Variants in VEPH1 observed in about 807,000 individuals in gnomAD.
VEPH1 encodes the protein ventricular zone-expressed PH domain-containing protein homolog 1.
In VEPH1, 80 loss-of-function variants were observed where a neutral mutation model predicts 85.2. That is an observed-to-expected ratio of 0.94 (90% CI 0.78 to 1.13). The LOEUF (loss-of-function observed/expected upper bound fraction) is 1.13. Ranked by LOEUF, VEPH1 falls within the 50% of genes most tolerant of loss-of-function variation. VEPH1 has a pLI of 0.00. For missense variants in VEPH1, 955 were observed against 980.5 expected (o/e 0.97, Z 0.35); for synonymous variants, 297 against 348.0 (o/e 0.85, Z 1.63).
chr3:157,287,166 A>T (rs2108375310), intron 11 of VEPH1, among the ~76,000 whole-genome samples: 1 of 152,286 alleles, frequency 6.6e-6, no homozygotes, highest in Admixed American at 6.5e-5. Context: ...TGAACTCAGG[A>T]GTTCAAGACC....
chr3:157,431,259 C>G (rs545191190), intron 4 of VEPH1, among the ~76,000 whole-genome samples: 20 of 152,304 alleles, frequency 1.3e-4, no homozygotes, highest in African/African-American at 4.8e-4. Flanking sequence ...CCTCCTCAGC[C>G]ACGTGGAACT....
At position 157,445,407 on chromosome 3, in the gene VEPH1, G is replaced by A. The variant is rs914558501; in HGVS notation, c.529+14774C>T. 3.9e-5 allele frequency among the ~76,000 whole-genome samples: 6 copies of A among 152,114 alleles called. No homozygotes were observed. The East Asian group carries it at 9.6e-4, about 24-fold the overall frequency. ...GGAGTCTGAGCCAGGCAGATCAGAA[G>A]CTCAGGAGATCGAGACCATCCTGGC... is the stretch of plus-strand genomic sequence containing the variant. On this transcript the variant is annotated intron_variant, in intron 4 of 13. Coordinates refer to ENST00000362010, the MANE Select transcript of VEPH1 (RefSeq NM_001167912.2).
At chr3:157,360,523 G>A (rs1432892600) in intron 9 of VEPH1, among the ~76,000 whole-genome samples, 4 of 151,858 alleles carry the variant, frequency 2.6e-5, no homozygotes, top group South Asian at 2.1e-4. Context: ...GTCAAACTAC[G>A]GATGCTTTTT....
chr3:157,470,659 C>T, intron 2 of VEPH1, 130 bp from the exon 3 acceptor site: 1 of 744,954 alleles, frequency 1.3e-6, no homozygotes, highest in Non-Finnish European at 2.1e-6. Context: ...GGTGTAAAGC[C>T]TAATACAATA....
intron 2 of VEPH1, among the ~76,000 whole-genome samples, chr3:157,480,583 A>T (rs1184611641): frequency 6.6e-6 from 1 of 152,150 alleles, no homozygotes; most frequent in East Asian, 1.9e-4. Flanking sequence ...TAGTTCACTT[A>T]GGATAAATGG....
intron 9 of VEPH1, among the ~76,000 whole-genome samples, chr3:157,343,966 A>G (rs1322580067): frequency 6.6e-6 from 1 of 152,246 alleles, no homozygotes; most frequent in African/African-American, 2.4e-5. Flanking sequence ...GGCCTTCAAC[A>G]AAATTCAACA....
chr3:157,428,536 C>G (rs1357196150), intron 4 of VEPH1, 48 bp from the exon 5 acceptor site: 1 of 1,566,796 alleles, frequency 6.4e-7, no homozygotes, highest in Non-Finnish European at 8.7e-7. Context: ...AGGCCATGAG[C>G]AACAGAAATA....
chr3:157,408,039 C>T (rs6441129), intron 6 of VEPH1, among the ~76,000 whole-genome samples: 103,973 of 151,950 alleles, frequency 0.68, 36,075 homozygotes, highest in East Asian at 0.78. Context: ...GTAAGCAAAT[C>T]CATTCATGTA....
At chr3:157,442,528 A>C (rs765216748) in intron 4 of VEPH1, 1 of 1,614,196 alleles carries the variant, frequency 6.2e-7, no homozygotes, top group Non-Finnish European at 8.5e-7. Flanking sequence ...ACAAAGAGGA[A>C]TCCATATGAA....
At chr3:157,487,998 A>C (rs1296399923) in intron 2 of VEPH1, among the ~76,000 whole-genome samples, 14 of 152,200 alleles carry the variant, frequency 9.2e-5, no homozygotes. Flanking sequence ...CATTCTAGTC[A>C]ATCTAGTTCT....
At chr3:157,469,637 C>A (rs1736727938) in intron 3 of VEPH1, among the ~76,000 whole-genome samples, 1 of 152,182 alleles carries the variant, frequency 6.6e-6, no homozygotes, top group African/African-American at 2.4e-5. Context: ...TCACAAAGTT[C>A]TTTTCTGAGA....
At chr3:157,482,376 C>G (rs1386191813) in intron 2 of VEPH1, among the ~76,000 whole-genome samples, 2 of 152,108 alleles carry the variant, frequency 1.3e-5, no homozygotes, top group African/African-American at 4.8e-5. Context: ...AGGCATGCAC[C>G]ACCAGGCCCA....
At chr3:157,418,362 A>G (rs1287528461) in intron 5 of VEPH1, among the ~76,000 whole-genome samples, 1 of 152,190 alleles carries the variant, frequency 6.6e-6, no homozygotes, top group African/African-American at 2.4e-5. Context: ...ATTGATGGAT[A>G]TATCTTCCAG....
chr3:157,286,114 A>G (rs1716735727), intron 12 of VEPH1: 1 of 153,714 alleles, frequency 6.5e-6, no homozygotes, highest in African/African-American at 2.4e-5. Context: ...ATTTCTTCCT[A>G]TTTCAATGCT....
intron 9 of VEPH1, among the ~76,000 whole-genome samples, chr3:157,354,875 A>C (rs1424457210): frequency 1.3e-5 from 2 of 152,118 alleles, no homozygotes; most frequent in African/African-American, 2.4e-5. Context: ...AGCCCCCTCT[A>C]CAGACTAATC....
chr3:157,473,142 A>C (rs1737131857), intron 2 of VEPH1, among the ~76,000 whole-genome samples: 1 of 133,022 alleles, frequency 7.5e-6, no homozygotes, highest in African/African-American at 3.0e-5. Context: ...GTGCGATCTC[A>C]GGTCACTGCC....
chr3:157,341,384 G>C (rs1723542367), intron 9 of VEPH1, among the ~76,000 whole-genome samples: 1 of 152,216 alleles, frequency 6.6e-6, no homozygotes, highest in Non-Finnish European at 1.5e-5. Context: ...GAATGCACAA[G>C]CTTCAGTAGC....
At chr3:157,478,230 C>G (rs1381745921) in intron 2 of VEPH1, among the ~76,000 whole-genome samples, 1 of 152,164 alleles carries the variant, frequency 6.6e-6, no homozygotes, top group Non-Finnish European at 1.5e-5. Context: ...TCTGAAGGGT[C>G]ATCCCAGTTC....
intron 5 of VEPH1, 59 bp downstream of exon 5, chr3:157,428,263 C>A: frequency 6.3e-7 from 1 of 1,580,650 alleles, no homozygotes; most frequent in South Asian, 1.1e-5. Context: ...ATACGCTGTT[C>A]ACACACAAAG....
Sources: allele counts gnomAD v4.1 joint callset (sites outside exome capture counted in the v4.1 genomes callset), GRCh38; gene constraint gnomAD v4.1.1; transcripts MANE v1.5; gene names NCBI Gene and HGNC (gene_info 2026-07-23, HGNC 2026-07-21).